Variants in EML4 observed in about 807,000 individuals in gnomAD.
EML4 encodes the protein EMAP like 4, also known as echinoderm microtubule-associated protein-like 4.
A neutral mutation model predicts 129.0 loss-of-function variants in EML4; 72 were observed. The observed-to-expected ratio is 0.56, with a 90% CI of 0.46 to 0.68. The LOEUF (loss-of-function observed/expected upper bound fraction) is 0.68, where lower values mean the gene tolerates loss of function less well. Among genes scored for constraint, EML4 ranks in the 30% least tolerant of loss-of-function variants. EML4 has a pLI of 0.00. For missense variants in EML4, 1,363 were observed against 1,190.6 expected (o/e 1.14, Z -2.13); for synonymous variants, 532 against 405.0 (o/e 1.31, Z -3.77).
chr2:42,282,708 A>T, intron 7 of EML4, 115 bp from the exon 8 acceptor site: 1 of 927,796 alleles, frequency 1.1e-6, no homozygotes, highest in Non-Finnish European at 1.7e-6. Flanking sequence ...TGAGTTTTCT[A>T]GTTCTAGTTC....
At position 42,295,458 on chromosome 2, in the gene EML4, A is replaced by G. The variant is rs1667892493; in HGVS notation, c.1431A>G (p.Gly477=). 6.2e-7 allele frequency: 1 copy of G among 1,613,972 alleles called. No homozygotes were observed. The highest frequency in any genetic ancestry group is 1.3e-5 in the African/African-American group (1 of 75,020). The change falls in exon 13 of 23, where the codon GGA becomes GGG. Residue 477 remains glycine, a synonymous_variant. Transcript: ENST00000318522. ...NGDVLTGDSG[G]VMLIWSKTTV... ...ATGTTCTTACTGGAGACTCAGGTGG[A>G]GTCATGCTTATATGGAGCAAAACTA... is the stretch of plus-strand genomic sequence containing the variant.
intron 19 of EML4, among the ~76,000 whole-genome samples, chr2:42,320,773 T>C (rs558650782): frequency 2.7e-4 from 41 of 152,296 alleles, no homozygotes; most frequent in African/African-American, 9.9e-4. Context: ...ACATAATGGC[T>C]TTCTGCTTGA....
At chr2:42,221,787 A>G (rs1673619946) in intron 1 of EML4, among the ~76,000 whole-genome samples, 1 of 151,856 alleles carries the variant, frequency 6.6e-6, no homozygotes, top group Non-Finnish European at 1.5e-5. Context: ...TATTTTTGGT[A>G]GAGACAAGGT....
At chr2:42,314,228 G>A (rs537878911) in intron 17 of EML4, among the ~76,000 whole-genome samples, 7 of 151,630 alleles carry the variant, frequency 4.6e-5, no homozygotes, top group South Asian at 2.1e-4. Context: ...GTGTGGTGGC[G>A]CCCACCTGTA....
At chr2:42,178,635 A>C (rs1208450173) in intron 1 of EML4, among the ~76,000 whole-genome samples, 1 of 152,192 alleles carries the variant, frequency 6.6e-6, no homozygotes, top group Non-Finnish European at 1.5e-5. Flanking sequence ...CTGGGAGCCA[A>C]AAACAACAAC....
At chr2:42,309,448 T>A (rs13398148) in intron 17 of EML4, among the ~76,000 whole-genome samples, 23,267 of 110,146 alleles carry the variant, frequency 0.21, 2,318 homozygotes, top group African/African-American at 0.35. Flanking sequence ...AAAAAAAAAA[T>A]TTTTTTTTTT....
At chr2:42,259,848 A>G (rs1187764249) in intron 3 of EML4, among the ~76,000 whole-genome samples, 1 of 145,350 alleles carries the variant, frequency 6.9e-6, no homozygotes, top group Admixed American at 6.9e-5. Context: ...TCCTGCCTCA[A>G]CCTCCCAAGT....
At chr2:42,199,057 A>G (rs1672062821) in intron 1 of EML4, among the ~76,000 whole-genome samples, 2 of 152,184 alleles carry the variant, frequency 1.3e-5, no homozygotes, top group Non-Finnish European at 2.9e-5. Context: ...AGCCAAGACA[A>G]GGTTGATAGG....
intron 2 of EML4, among the ~76,000 whole-genome samples, chr2:42,255,680 T>C (rs933750469): frequency 6.6e-6 from 1 of 152,166 alleles, no homozygotes; most frequent in African/African-American, 2.4e-5. Flanking sequence ...AAAAAATAAA[T>C]GCAGCAGGTC....
chr2:42,226,713 T>C (rs928979176), intron 1 of EML4, among the ~76,000 whole-genome samples: 40 of 152,054 alleles, frequency 2.6e-4, no homozygotes, highest in African/African-American at 9.6e-4. Context: ...TGAAAATTGC[T>C]AAGAGAGTAG....
intron 19 of EML4, among the ~76,000 whole-genome samples, chr2:42,319,038 C>T (rs1669390338): frequency 6.6e-6 from 1 of 152,100 alleles, no homozygotes; most frequent in Non-Finnish European, 1.5e-5. Flanking sequence ...AAAAAAAAGT[C>T]CATACCTTAA....
intron 3 of EML4, among the ~76,000 whole-genome samples, chr2:42,259,805 C>G (rs1330025236): frequency 4.8e-5 from 7 of 146,282 alleles, no homozygotes. Context: ...TCTCGGCTCA[C>G]TGCAAGCTCC....
chr2:42,257,623 C>G (rs1572639547), intron 3 of EML4, among the ~76,000 whole-genome samples: 1 of 152,180 alleles, frequency 6.6e-6, no homozygotes, highest in East Asian at 1.9e-4. Context: ...ATCACGAGGT[C>G]AGGAGATCGA....
At chr2:42,265,279 A>G (rs889889469) in intron 6 of EML4, among the ~76,000 whole-genome samples, 1 of 151,950 alleles carries the variant, frequency 6.6e-6, no homozygotes, top group African/African-American at 2.4e-5. Context: ...TTTGTTTTGT[A>G]TTTTTAGTAG....
rs80152963 is a variant in EML4 at position 42,262,956 on chromosome 2, G to T, written c.513-222G>T. 0.042 allele frequency among the ~76,000 whole-genome samples: 6,378 copies of T among 152,164 alleles called. 463 individuals carry two copies. The highest frequency in any genetic ancestry group is 0.15 in the African/African-American group (6,053 of 41,482). ...TTTTAAAAAAAATCAGGTAATATTT[G>T]TTCTAGTGAATCTTCTGAGTGATAC... On this transcript the variant is annotated intron_variant, in intron 4 of 22. Coordinates refer to ENST00000318522, the MANE Select transcript of EML4 (RefSeq NM_019063.5).
chr2:42,256,715 T>C (rs771238275), intron 3 of EML4, 85 bp downstream of exon 3: 355 of 1,493,108 alleles, frequency 2.4e-4, no homozygotes, highest in Non-Finnish European at 3.1e-4. Context: ...GAATATGAAA[T>C]AGAGCTGTTT....
intron 1 of EML4, among the ~76,000 whole-genome samples, chr2:42,202,620 C>T (rs765262966): frequency 1.3e-5 from 2 of 152,138 alleles, no homozygotes; most frequent in Admixed American, 1.3e-4. Context: ...AACCATCCAG[C>T]ACAGGAGAAA....
intron 16 of EML4, among the ~76,000 whole-genome samples, chr2:42,304,279 C>G (rs1668468104): frequency 1.3e-5 from 2 of 152,202 alleles, no homozygotes; most frequent in African/African-American, 4.8e-5. Flanking sequence ...CTGGTTGTCC[C>G]TTTCCCTCAC....
At chr2:42,244,101 GTT>G (rs147426155) in intron 1 of EML4, among the ~76,000 whole-genome samples, 4 of 81,358 alleles carry the variant, frequency 4.9e-5, no homozygotes, top group Admixed American at 1.2e-4. Flanking sequence ...TTTGTTTTTT[GTT>G]TTTTTTTTTT....
Sources: allele counts gnomAD v4.1 joint callset (sites outside exome capture counted in the v4.1 genomes callset), GRCh38; gene constraint gnomAD v4.1.1; transcripts MANE v1.5; gene names NCBI Gene and HGNC (gene_info 2026-07-23, HGNC 2026-07-21).